The following ATAD2 variants were observed in gnomAD, a reference collection of about 807,000 sequenced individuals.
ATAD2 encodes ATPase family AAA domain-containing protein 2.
In ATAD2, 62 loss-of-function variants were observed where a neutral mutation model predicts 168.9. The observed-to-expected ratio is 0.37, with a 90% CI of 0.30 to 0.45. ATAD2 has a LOEUF of 0.45. Among genes scored for constraint, ATAD2 ranks in the 20% least tolerant of loss-of-function variants. The probability of loss-of-function intolerance (pLI) is 1.00; values close to 1 mark genes in which losing one functional copy is unlikely to be tolerated. For missense variants in ATAD2, 1,419 were observed against 1,667.8 expected, an observed-to-expected ratio of 0.85 and a Z score of 2.60; for synonymous variants, 613 against 571.6, an observed-to-expected ratio of 1.07 and a Z score of -1.03.
chr8:123,385,242 T>C (rs1284008227), intron 1 of ATAD2, among the ~76,000 whole-genome samples: 1 of 152,138 alleles, frequency 6.6e-6, no homozygotes, highest in Non-Finnish European at 1.5e-5. Flanking sequence ...AAATGGCTTG[T>C]ATAGAAAAAA....
At chr8:123,387,524 T>A (rs1829678832) in intron 1 of ATAD2, among the ~76,000 whole-genome samples, 1 of 152,114 alleles carries the variant, frequency 6.6e-6, no homozygotes, top group African/African-American at 2.4e-5. Flanking sequence ...CAGAAAAAAA[T>A]TCCTAAAAAC....
intron 13 of ATAD2, among the ~76,000 whole-genome samples, chr8:123,353,945 C>T (rs1376913016): frequency 1.3e-5 from 2 of 152,082 alleles, no homozygotes; most frequent in Non-Finnish European, 2.9e-5. Context: ...CCAGCCTGGC[C>T]AACATGGTGA....
Position 123,336,504 on chromosome 8 carries a change from T to C in ATAD2, c.3080A>G (p.Gln1027Arg). 6.5e-7 allele frequency: 1 copy of C among 1,547,904 alleles called. No homozygotes were observed. Among genetic ancestry groups the C allele is most frequent in the Admixed American group, 2.3e-5 (1 of 43,150 alleles). Reference protein sequence around the residue: ...EVPDYVTVIKQPMDLSSVISK... With the variant: ...EVPDYVTVIKRPMDLSSVISK... ...GATTACAGATGAAAGGTCCATTGGT[T>C]GCTTTATTACAGTGACATAATCAGG... is the stretch of plus-strand genomic sequence containing the variant. Residue 1027 changes from glutamine (Q) to arginine (R), a missense_variant, in exon 22 of 28, where the codon CAA (glutamine) becomes CGA (arginine). Transcript: ENST00000287394.
chr8:123,331,249 T>G (rs1280169483), intron 24 of ATAD2, among the ~76,000 whole-genome samples: 2 of 151,986 alleles, frequency 1.3e-5, no homozygotes, highest in Admixed American at 6.6e-5. Context: ...TATTCTTTTC[T>G]CTCTTTTGAG....
chr8:123,355,389 G>A (rs1465168277), intron 13 of ATAD2, among the ~76,000 whole-genome samples: 1 of 152,090 alleles, frequency 6.6e-6, no homozygotes, highest in African/African-American at 2.4e-5. Flanking sequence ...CATCATTCAT[G>A]AAACCATTTA....
At chr8:123,340,941 T>C (rs1204194103) in intron 19 of ATAD2, among the ~76,000 whole-genome samples, 1 of 151,334 alleles carries the variant, frequency 6.6e-6, no homozygotes, top group Non-Finnish European at 1.5e-5. Context: ...AAATGGTAAG[T>C]TTTGTCTTTT....
At chr8:123,371,076 T>G in intron 5 of ATAD2, 86 bp from the exon 6 acceptor site, 1 of 1,194,532 alleles carries the variant, frequency 8.4e-7, no homozygotes, top group South Asian at 1.6e-5. Context: ...TGTTTAAAAT[T>G]AAGATATTTA....
upstream of ATAD2, among the ~76,000 whole-genome samples, chr8:123,399,622 C>A (rs1003315748): frequency 6.6e-6 from 1 of 151,834 alleles, no homozygotes; most frequent in Non-Finnish European, 1.5e-5. Flanking sequence ...TTTGGGAGGC[C>A]GAGGTGGGTA....
chr8:123,339,526 A>G, intron 19 of ATAD2, 80 bp from the exon 20 acceptor site: 1 of 1,309,062 alleles, frequency 7.6e-7, no homozygotes, highest in Non-Finnish European at 1.0e-6. Context: ...TACAATTTTT[A>G]GACTTTACAG....
rs926199525 is a variant in ATAD2, at chr8:123,384,718, A to G, written c.172-4041T>C. Among the ~76,000 whole-genome samples the G allele has an allele frequency of 1.4e-4, 22 of 152,376 alleles. 1 individual carries two copies. Among genetic ancestry groups the G allele is most frequent in the African/African-American group, 5.3e-4 (22 of 41,594 alleles). On this transcript the variant is annotated intron_variant, in intron 1 of 27. Transcript: ENST00000287394. The stretch of plus-strand genomic sequence containing the variant: ...TAATTGGGTGGGTAAGGGAACTTCA[A>G]CCATGTGAGATCTCCTAAAATCTTA...
chr8:123,365,412 C>A (rs1337221032), intron 8 of ATAD2, among the ~76,000 whole-genome samples: 1 of 152,030 alleles, frequency 6.6e-6, no homozygotes, highest in African/African-American at 2.4e-5. Flanking sequence ...TCATTCTTCA[C>A]AGAACTAGAA....
chr8:123,328,499 T>C lies in ATAD2; in HGVS notation c.3559A>G (p.Lys1187Glu), dbSNP rs1827677748. 4 of 1,599,342 alleles carry C rather than the reference T, an allele frequency of 2.5e-6. No homozygotes were observed. In the South Asian group the frequency reaches 3.5e-5, roughly 14 times the overall value. ...IKKRRKISQA[K>E]DDSQNAIDHK... ...TCTATGGCATTCTGGCTATCATCCT[T>C]TGCCTGTGAAATCTTCCTTCGCTTT... The change falls in exon 25 of 28, where the codon AAG (lysine) becomes GAG (glutamate). Residue 1187 changes from lysine (K) to glutamate (E), a missense_variant. Lys to Glu is a moderately conservative substitution (Grantham distance 56). Transcript: ENST00000287394.
intron 27 of ATAD2, among the ~76,000 whole-genome samples, chr8:123,321,581 TGTAA>T (rs1010618942): frequency 1.9e-4 from 29 of 152,122 alleles, no homozygotes; most frequent in African/African-American, 6.3e-4. Flanking sequence ...AATATGCATA[TGTAA>T]GTAATATCTT....
chr8:123,371,450 TATA>T, intron 4 of ATAD2, 112 bp from the exon 5 acceptor site: 1 of 901,340 alleles, frequency 1.1e-6, no homozygotes, highest in Non-Finnish European at 1.6e-6. Flanking sequence ...TAAATATTTT[TATA>T]AGAAGCATTG....
At chr8:123,380,767 A>G (rs770242471) in intron 1 of ATAD2, 90 bp from the exon 2 acceptor site, 469 of 1,339,326 alleles carry the variant, frequency 3.5e-4, no homozygotes, top group Non-Finnish European at 4.4e-4. Flanking sequence ...ATTACAAGTT[A>G]GTAAAAACTG....
intron 13 of ATAD2, among the ~76,000 whole-genome samples, chr8:123,354,112 C>T (rs7017677): frequency 0.028 from 4,265 of 152,068 alleles, 175 homozygotes; most frequent in African/African-American, 0.097. Context: ...CCAGCCTGGG[C>T]GACAGAGCAA....
chr8:123,333,837 A>ACT, intron 24 of ATAD2, 41 bp downstream of exon 24: 1 of 1,543,154 alleles, frequency 6.5e-7, no homozygotes, highest in South Asian at 1.3e-5. Context: ...AGAAAAGAAT[A>ACT]AAGTTATAAT....
At chr8:123,401,385 A>C, upstream of ATAD2, 1 of 1,396,244 alleles carries the variant, frequency 7.2e-7, no homozygotes, top group East Asian at 2.3e-5. Context: ...TCGACGTCAT[A>C]GTCTTGGACT....
intron 24 of ATAD2, among the ~76,000 whole-genome samples, chr8:123,329,074 T>C (rs1257844351): frequency 6.6e-6 from 1 of 152,128 alleles, no homozygotes; most frequent in African/African-American, 2.4e-5. Context: ...GTGCTGGGAT[T>C]ACAAGCGTGA....
Sources: allele counts gnomAD v4.1 joint callset (sites outside exome capture counted in the v4.1 genomes callset), GRCh38; gene constraint gnomAD v4.1.1; transcripts MANE v1.5; gene names NCBI Gene and HGNC (gene_info 2026-07-23, HGNC 2026-07-21).